The following MIGA2 variants were observed in gnomAD, a reference collection of about 807,000 sequenced individuals.
The protein encoded by MIGA2 is family with sequence similarity 73, member B.
A neutral mutation model predicts 69.9 loss-of-function variants in MIGA2; 36 were observed. The observed-to-expected ratio is 0.52, with a 90% CI of 0.39 to 0.68. MIGA2 has a LOEUF of 0.68. Ranked by LOEUF, MIGA2 falls within the 30% of genes least tolerant of loss-of-function variation. MIGA2 has a pLI of 0.00. For synonymous variants in MIGA2, 333 were observed against 349.2 expected, an observed-to-expected ratio of 0.95 and a Z score of 0.52; for missense variants, 660 against 787.7, an observed-to-expected ratio of 0.84 and a Z score of 1.94.
At position 129,059,346 on chromosome 9, in the gene MIGA2, C is replaced by A. The variant is rs1198602162; in HGVS notation, c.793+75C>A. 3 of 1,218,632 alleles carry A rather than the reference C, an allele frequency of 2.5e-6. No homozygotes were observed. The highest frequency in any genetic ancestry group is 3.5e-6 in the Non-Finnish European group (3 of 855,904). 75.5% of individuals were successfully genotyped at this position (1,218,632 alleles called of 1,614,324 possible). On this transcript the variant is annotated intron_variant, in intron 7 of 15. Transcript: ENST00000684074. The surrounding 1 kb of genome is among the most constrained non-coding windows in gnomAD (Gnocchi z 5.6). ...GGAGGTGAGGAGAAGTTGCGAGAACCGGGTCGTGGTTCTCTCAGTGCGTCC... is the reference window on the plus strand; with the variant it reads ...GGAGGTGAGGAGAAGTTGCGAGAACAGGGTCGTGGTTCTCTCAGTGCGTCC...
chr9:129,057,930 T>C (rs763476474), intron 6 of MIGA2, among the ~76,000 whole-genome samples: 2 of 152,124 alleles, frequency 1.3e-5, no homozygotes, highest in African/African-American at 2.4e-5. Context: ...ATGATTTCTT[T>C]AATAACATTT....
intron 2 of MIGA2, among the ~76,000 whole-genome samples, chr9:129,041,951 C>T (rs1021092159): frequency 2.6e-5 from 4 of 152,138 alleles, no homozygotes; most frequent in East Asian, 1.9e-4. Flanking sequence ...TCAGGTTCCT[C>T]GTCTGGAAAT....
At chr9:129,063,049 G>A in intron 9 of MIGA2, 195 bp from the exon 10 acceptor site, 2 of 602,900 alleles carry the variant, frequency 3.3e-6, no homozygotes, top group Admixed American at 5.9e-5. Context: ...GATCATCCAG[G>A]CAGCCTCGTC....
At position 129,068,596 on chromosome 9, in the gene MIGA2, G is replaced by A. The variant is rs542023611; in HGVS notation, c.1404+264G>A. On this transcript the variant is annotated intron_variant, in intron 13 of 15. Coordinates refer to ENST00000684074, the MANE Select transcript of MIGA2 (RefSeq NM_001329990.2). The surrounding 1 kb of genome is among the most constrained non-coding windows in gnomAD (Gnocchi z 4.1). ...TTTACTTTTGTGCTGGTATGAATTC[G>A]ATTCCATTTTAATGCATCCTGTTAA... 25 of 494,700 alleles carry A rather than the reference G, an allele frequency of 5.1e-5. No individual in the cohort carries two copies. The highest frequency in any genetic ancestry group is 4.2e-4 in the African/African-American group (22 of 51,898). The allele number at this position is 494,700 out of a possible 1,614,324, so 30.6% of individuals were successfully genotyped here.
Position 129,059,127 on chromosome 9 carries a change from G to A in MIGA2, c.676-27G>A, listed in dbSNP as rs1440869289. The A allele has an allele frequency of 3.8e-6, 6 of 1,599,608 alleles. No homozygotes were observed. Among genetic ancestry groups the A allele is most frequent in the African/African-American group, 1.4e-5 (1 of 69,512 alleles). On this transcript the variant is annotated intron_variant, in intron 6 of 15. Transcript: ENST00000684074. The surrounding 1 kb of genome is among the most constrained non-coding windows in gnomAD (Gnocchi z 5.6). ...TTTCATCGGGAGCTTTGAGGGTCTGGGTTGAGGGTCCTTGTTTTTATGGCA... is the reference window on the plus strand; with the variant it reads ...TTTCATCGGGAGCTTTGAGGGTCTGAGTTGAGGGTCCTTGTTTTTATGGCA...
chr9:129,061,443 CTT>C lies in MIGA2; in HGVS notation c.1010+98_1010+99del. ...AGAAGCCAGCGGTGCTTGGCGAGGA[CTT>C]AGCCTGAGTGAGTCCAGGCTGCCTG... On this transcript the variant is annotated intron_variant, in intron 9 of 15. Coordinates refer to ENST00000684074, the MANE Select transcript of MIGA2 (RefSeq NM_001329990.2). The surrounding 1 kb of genome is among the most constrained non-coding windows in gnomAD (Gnocchi z 5.0). 1 of 1,152,198 alleles carries C rather than the reference CTT, an allele frequency of 8.7e-7. No homozygotes were observed. Among genetic ancestry groups the C allele is most frequent in the Admixed American group, 2.1e-5 (1 of 47,920 alleles). The allele number at this position is 1,152,198 out of a possible 1,614,324, so 71.4% of individuals were successfully genotyped here.
intron 9 of MIGA2, among the ~76,000 whole-genome samples, chr9:129,062,531 CAA>C (rs1161024946): frequency 4.7e-4 from 20 of 42,500 alleles, no homozygotes; most frequent in Admixed American, 5.5e-4. Context: ...GACTCCATCT[CAA>C]AAAAAAAAAA....
At chr9:129,063,748 C>A (rs1417620166) in intron 11 of MIGA2, 117 bp downstream of exon 11, 2 of 941,216 alleles carry the variant, frequency 2.1e-6, no homozygotes, top group African/African-American at 1.6e-5. Flanking sequence ...TCCTCCTACT[C>A]CGTTCTGTAG....
At chr9:129,050,001 A>G in intron 6 of MIGA2, 38 bp downstream of exon 6, 1 of 1,585,684 alleles carries the variant, frequency 6.3e-7, no homozygotes, top group Non-Finnish European at 8.6e-7. Flanking sequence ...CCCATGGGAT[A>G]AAGTTGGCAG....
chr9:129,066,656 C>CAA lies in MIGA2; in HGVS notation c.1171-1101_1171-1100dup, dbSNP rs34457777. On this transcript the variant is annotated intron_variant, in intron 11 of 15. Transcript: ENST00000684074. ...GCCACTGCACTCCAGCCTGGGCGACCAAAAAAAAAAAAAAAAAGAAAGGCT... is the reference window on the plus strand; with the variant it reads ...GCCACTGCACTCCAGCCTGGGCGACCAAAAAAAAAAAAAAAAAAAGAAAGGCT... 5.7e-3 allele frequency among the ~76,000 whole-genome samples: 407 copies of CAA among 71,268 alleles called. 4 individuals carry two copies. The highest frequency in any genetic ancestry group is 0.021 in the African/African-American group (371 of 17,748). The allele number at this position is 71,268 out of a possible 152,430, so 46.8% of individuals were successfully genotyped here.
intron 5 of MIGA2, 92 bp downstream of exon 5, chr9:129,049,590 C>A: frequency 7.6e-7 from 1 of 1,322,342 alleles, no homozygotes; most frequent in Non-Finnish European, 1.1e-6. Context: ...GTCACTTTGC[C>A]CCTCACTACC....
At chr9:129,066,853 C>A (rs1370811061) in intron 11 of MIGA2, among the ~76,000 whole-genome samples, 10 of 136,490 alleles carry the variant, frequency 7.3e-5, no homozygotes, top group Non-Finnish European at 1.2e-4. Context: ...CCCAGCTACT[C>A]GGGAGGCTGA....
chr9:129,067,746 C>T (rs1564620749), intron 11 of MIGA2, 27 bp from the exon 12 acceptor site: 1 of 1,589,796 alleles, frequency 6.3e-7, no homozygotes, highest in Admixed American at 1.7e-5. Context: ...GTCCAGTGAC[C>T]AGGATGGGCC....
chr9:129,070,007 T>A (rs758518720), intron 15 of MIGA2, 42 bp downstream of exon 15: 29 of 1,481,234 alleles, frequency 2.0e-5, no homozygotes, highest in Middle Eastern at 4.2e-4. Context: ...ACCCTTGCCC[T>A]GAGCACAGGC....
rs112156716 is a variant in MIGA2, at chr9:129,055,080, C to CTT, written c.676-4060_676-4059dup. Among the ~76,000 whole-genome samples the CTT allele has an allele frequency of 1.8e-4, 22 of 122,848 alleles. 1 individual carries two copies. Among genetic ancestry groups the CTT allele is most frequent in the African/African-American group, 5.5e-4 (18 of 32,452 alleles). The allele number at this position is 122,848 out of a possible 152,430, so 80.6% of individuals were successfully genotyped here. A position where few individuals can be genotyped will look rare whatever the true frequency, so the allele number is the denominator to read the frequency against. ...CTAATTTTTGTATTTTTTTTCTTTT[C>CTT]TTTTTTTTTTTTTTTGAGATGGAGT... is the stretch of plus-strand genomic sequence containing the variant. On this transcript the variant is annotated intron_variant, in intron 6 of 15. Coordinates refer to ENST00000684074, the MANE Select transcript of MIGA2 (RefSeq NM_001329990.2).
chr9:129,041,048 G>A (rs1035931214), intron 2 of MIGA2, among the ~76,000 whole-genome samples: 4 of 151,952 alleles, frequency 2.6e-5, no homozygotes, highest in Admixed American at 6.6e-5. Context: ...AAAATTAGGC[G>A]GGTAGGCTGG....
chr9:129,053,267 G>A (rs1187434376), intron 6 of MIGA2, among the ~76,000 whole-genome samples: 2 of 152,104 alleles, frequency 1.3e-5, no homozygotes, highest in East Asian at 1.9e-4. Context: ...ATGCCAGGAC[G>A]CCTACAACCT....
At chr9:129,065,771 C>T (rs1846309008) in intron 11 of MIGA2, among the ~76,000 whole-genome samples, 1 of 152,170 alleles carries the variant, frequency 6.6e-6, no homozygotes, top group Non-Finnish European at 1.5e-5. Context: ...CTCCCTCTCC[C>T]TTCCTTGGTC....
At chr9:129,054,831 T>C (rs745771127) in intron 6 of MIGA2, among the ~76,000 whole-genome samples, 1 of 152,256 alleles carries the variant, frequency 6.6e-6, no homozygotes, top group African/African-American at 2.4e-5. Context: ...TGTGGACATA[T>C]GTTTTCATTT....
Sources: gnomAD v4.1 joint callset for allele counts (sites outside exome capture counted in the v4.1 genomes callset) on GRCh38, gnomAD v4.1.1 for gene constraint, Gnocchi (gnomAD v3.1) non-coding constraint, MANE v1.5 for transcripts, NCBI Gene and HGNC (gene_info 2026-07-23, HGNC 2026-07-21) for gene names.